Variants in ITGBL1 observed in about 807,000 individuals in gnomAD.
ITGBL1 encodes integrin subunit beta like 1.
A neutral mutation model predicts 68.5 loss-of-function variants in ITGBL1; 51 were observed. The ratio of observed to expected loss-of-function variants is 0.74; its 90% CI spans 0.59 to 0.94. The LOEUF is 0.94. Ranked by LOEUF, ITGBL1 falls within the 40% of genes least tolerant of loss-of-function variation. ITGBL1 has a pLI of 0.00. For missense variants in ITGBL1, 649 were observed against 647.4 expected (o/e 1.00, Z -0.03); for synonymous variants, 209 against 227.3 (o/e 0.92, Z 0.72).
At chr13:101,705,292 C>CAAAAAAAAA (rs66461824) in intron 8 of ITGBL1, among the ~76,000 whole-genome samples, 56 of 104,858 alleles carry the variant, frequency 5.3e-4, no homozygotes, top group Middle Eastern at 6.0e-3. Context: ...ATTTAAAAAG[C>CAAAAAAAAA]AAAAAAAAAA....
intron 2 of ITGBL1, among the ~76,000 whole-genome samples, chr13:101,473,420 G>C (rs1197568361): frequency 6.6e-6 from 1 of 152,178 alleles, no homozygotes; most frequent in Non-Finnish European, 1.5e-5. Flanking sequence ...AGACAACAAG[G>C]GGCAGGATTC....
At chr13:101,565,164 C>A (rs1329568294) in intron 2 of ITGBL1, among the ~76,000 whole-genome samples, 10 of 151,970 alleles carry the variant, frequency 6.6e-5, no homozygotes, top group Non-Finnish European at 1.5e-4. Context: ...TAACACATAA[C>A]AAATAAATTA....
chr13:101,607,240 G>A (rs1053177477), intron 7 of ITGBL1, among the ~76,000 whole-genome samples: 1 of 151,994 alleles, frequency 6.6e-6, no homozygotes. Context: ...TACAGAAGAA[G>A]AAATTAGATA....
At chr13:101,552,476 C>A (rs1223967961) in intron 2 of ITGBL1, among the ~76,000 whole-genome samples, 1 of 152,126 alleles carries the variant, frequency 6.6e-6, no homozygotes, top group Non-Finnish European at 1.5e-5. Context: ...AGTCTCCATG[C>A]CAAATGCAGA....
At chr13:101,546,888 G>C (rs1288942654) in intron 2 of ITGBL1, among the ~76,000 whole-genome samples, 1 of 151,916 alleles carries the variant, frequency 6.6e-6, no homozygotes, top group Non-Finnish European at 1.5e-5. Context: ...ATGCTACCAA[G>C]TGAAGTCAAA....
chr13:101,592,745 A>G (rs1458869792), intron 6 of ITGBL1, among the ~76,000 whole-genome samples: 1 of 152,150 alleles, frequency 6.6e-6, no homozygotes, highest in African/African-American at 2.4e-5. Flanking sequence ...ATGAGATTAA[A>G]TCACTACTTC....
chr13:101,668,653 G>T (rs2033282763), intron 7 of ITGBL1, among the ~76,000 whole-genome samples: 1 of 151,764 alleles, frequency 6.6e-6, no homozygotes, highest in South Asian at 2.1e-4. Context: ...TGAATAATCT[G>T]GTATAATTGT....
chr13:101,680,016 C>A (rs1181316049), intron 7 of ITGBL1, among the ~76,000 whole-genome samples: 3 of 152,138 alleles, frequency 2.0e-5, no homozygotes, highest in Non-Finnish European at 4.4e-5. Flanking sequence ...AAGTTATGAG[C>A]AACTTTTTCT....
chr13:101,479,543 A>G (rs1473024012), intron 2 of ITGBL1, among the ~76,000 whole-genome samples: 1 of 152,070 alleles, frequency 6.6e-6, no homozygotes, highest in African/African-American at 2.4e-5. Context: ...AGGATAAAAT[A>G]TTTGCAAACT....
intron 2 of ITGBL1, among the ~76,000 whole-genome samples, chr13:101,520,641 T>TG (rs2049270052): frequency 6.6e-6 from 1 of 152,118 alleles, no homozygotes; most frequent in African/African-American, 2.4e-5. Flanking sequence ...GCTCACTCCG[T>TG]GGGGAATGCT....
At chr13:101,556,563 C>T (rs1191404755) in intron 2 of ITGBL1, among the ~76,000 whole-genome samples, 4 of 151,866 alleles carry the variant, frequency 2.6e-5, no homozygotes, top group African/African-American at 4.8e-5. Flanking sequence ...ACTCCAGAGG[C>T]GGAGGTTGTG....
chr13:101,604,352 G>T (rs2030564708), intron 7 of ITGBL1, among the ~76,000 whole-genome samples: 1 of 151,836 alleles, frequency 6.6e-6, no homozygotes, highest in African/African-American at 2.4e-5. Context: ...AAGCAATAGA[G>T]TATGTTTAAA....
At chr13:101,486,102 A>G (rs974536498) in intron 2 of ITGBL1, among the ~76,000 whole-genome samples, 3 of 145,156 alleles carry the variant, frequency 2.1e-5, no homozygotes, top group Admixed American at 7.1e-5. Context: ...GTGTCCATCA[A>G]CCAACGAGTG....
intron 2 of ITGBL1, among the ~76,000 whole-genome samples, chr13:101,486,084 C>T (rs1186626201): frequency 6.6e-6 from 1 of 151,400 alleles, no homozygotes; most frequent in Non-Finnish European, 1.5e-5. Context: ...GATGTGGAAC[C>T]AACCTAAGTG....
At chr13:101,537,630 T>C (rs2049602441) in intron 2 of ITGBL1, among the ~76,000 whole-genome samples, 1 of 152,066 alleles carries the variant, frequency 6.6e-6, no homozygotes, top group African/African-American at 2.4e-5. Flanking sequence ...CAAAACTAAA[T>C]TATTAATTTA....
chr13:101,505,647 A>G (rs2049015740), intron 2 of ITGBL1, among the ~76,000 whole-genome samples: 1 of 152,224 alleles, frequency 6.6e-6, no homozygotes, highest in Non-Finnish European at 1.5e-5. Context: ...GGGTGACAAG[A>G]CAGCATTGTG....
Position 101,575,484 on chromosome 13 carries a change from G to A in ITGBL1, c.524G>A (p.Gly175Asp). ...TCAGATGGAAGTGGACTTGTGTATGGTAAATTTTGTGAGTGTGACGATAGA... is the reference window on the plus strand; with the variant it reads ...TCAGATGGAAGTGGACTTGTGTATGATAAATTTTGTGAGTGTGACGATAGA... ...DNSDGSGLVY[G>D]KFCECDDREC... Residue 175 changes from glycine to aspartate, a missense_variant, in exon 4 of 11, where the codon GGT becomes GAT. Physicochemically the swap from Gly to Asp is moderately conservative, Grantham distance 94. Transcript: ENST00000376180. 1 of 1,612,804 alleles carries A rather than the reference G, an allele frequency of 6.2e-7. No homozygotes were observed. The highest frequency in any genetic ancestry group is 8.5e-7 in the Non-Finnish European group (1 of 1,178,994).
intron 2 of ITGBL1, among the ~76,000 whole-genome samples, chr13:101,489,397 G>C (rs142648305): frequency 6.6e-6 from 1 of 152,232 alleles, no homozygotes; most frequent in East Asian, 1.9e-4. Flanking sequence ...GATATAAACT[G>C]TTTATAGCTT....
chr13:101,653,855 C>CTTTTTTTTTTTTTTTT (rs1336554587), intron 7 of ITGBL1, among the ~76,000 whole-genome samples: 3 of 104,644 alleles, frequency 2.9e-5, no homozygotes, highest in Non-Finnish European at 4.1e-5. Context: ...TGCCCAGCTA[C>CTTTTTTTTTTTTTTTT]TTTTTTTGTT....
Sources: allele counts gnomAD v4.1 joint callset (sites outside exome capture counted in the v4.1 genomes callset), GRCh38; gene constraint gnomAD v4.1.1; transcripts MANE v1.5; gene names NCBI Gene and HGNC (gene_info 2026-07-23, HGNC 2026-07-21).